ZBTB20: variants seen among roughly 807,000 people sequenced by gnomAD.
ZBTB20 encodes the protein zinc finger and BTB domain containing 20.
A neutral mutation model predicts 56.9 loss-of-function variants in ZBTB20; 9 were observed. That is an observed-to-expected ratio of 0.16 (90% CI 0.10 to 0.28). The LOEUF (loss-of-function observed/expected upper bound fraction) is 0.28. ZBTB20 is among the 10% of genes least tolerant of loss of function. ZBTB20 has a pLI of 1.00. For missense variants in ZBTB20, 655 were observed against 1,003.0 expected (o/e 0.65, Z 4.69); for synonymous variants, 417 against 420.7 (o/e 0.99, Z 0.11).
At chr3:114,973,558 G>A (rs1458945176) in intron 3 of ZBTB20, among the ~76,000 whole-genome samples, 2 of 152,122 alleles carry the variant, frequency 1.3e-5, no homozygotes, top group Non-Finnish European at 2.9e-5. Context: ...ATATCCCACT[G>A]CTAAACGGAA....
chr3:114,555,368 G>T (rs904479027), intron 6 of ZBTB20, among the ~76,000 whole-genome samples: 34 of 152,010 alleles, frequency 2.2e-4, no homozygotes, highest in Non-Finnish European at 2.2e-4. Context: ...TAATAGTGAT[G>T]GACAGAATCT....
chr3:114,990,151 T>C (rs1343535984), intron 2 of ZBTB20, among the ~76,000 whole-genome samples: 3 of 152,016 alleles, frequency 2.0e-5, no homozygotes, highest in African/African-American at 7.3e-5. Context: ...TGAATAGGAG[T>C]GGTGAGAGAG....
Position 114,329,955 on chromosome 3 carries a change from T to A in ZBTB20, c.*9050A>T, listed in dbSNP as rs2079192995. 1 of 152,330 alleles carries A rather than the reference T, an allele frequency of 6.6e-6. No homozygotes were observed. Among genetic ancestry groups the A allele is most frequent in the Non-Finnish European group, 1.5e-5 (1 of 68,036 alleles). 9.4% of individuals were successfully genotyped at this position (152,330 alleles called of 1,614,324 possible). ...ACGCAGCCTGTTATTGTTGGTCAGA[T>A]CATGTGGCACTTAAGTAGCCCCTTG... On this transcript the variant is annotated 3_prime_UTR_variant, in exon 12 of 12. Transcript: ENST00000675478.
chr3:114,405,088 G>GA lies in ZBTB20; in HGVS notation c.-254-15984dup, dbSNP rs946849710. Among the ~76,000 whole-genome samples the GA allele has an allele frequency of 8.0e-4, 119 of 149,326 alleles. 1 individual carries two copies. Among genetic ancestry groups the GA allele is most frequent in the African/African-American group, 2.3e-3 (95 of 40,770 alleles). On this transcript the variant is annotated intron_variant, in intron 7 of 11. Transcript: ENST00000675478. ...AAGGGTTGCAGTGTCCTCATAGGAG[G>GA]AAAAAAAAAATCCTAGCTTTAAGAA...
intron 1 of ZBTB20, among the ~76,000 whole-genome samples, chr3:115,074,124 T>C (rs1423018246): frequency 2.6e-5 from 4 of 152,128 alleles, no homozygotes; most frequent in Admixed American, 2.0e-4. Context: ...CTTTCATCCA[T>C]ATTTATGCTT....
intron 7 of ZBTB20, among the ~76,000 whole-genome samples, chr3:114,434,047 T>C (rs2718410): frequency 0.92 from 140,291 of 152,238 alleles, 65,745 homozygotes; most frequent in East Asian, 1. Flanking sequence ...AATTGAATGA[T>C]AGACCAGGTC....
chr3:114,944,266 T>G (rs1010443883), intron 3 of ZBTB20, among the ~76,000 whole-genome samples: 1 of 145,424 alleles, frequency 6.9e-6, no homozygotes, highest in Non-Finnish European at 1.5e-5. Context: ...AAAAGCAAAT[T>G]AGAACCACAA....
chr3:114,424,143 A>AATTATAATTG (rs1338564905), intron 7 of ZBTB20, among the ~76,000 whole-genome samples: 1 of 152,214 alleles, frequency 6.6e-6, no homozygotes, highest in African/African-American at 2.4e-5. Flanking sequence ...ATTGTCACAT[A>AATTATAATTG]ACAACCTTAA....
At chr3:114,435,481 C>T (rs2090457996) in intron 7 of ZBTB20, among the ~76,000 whole-genome samples, 1 of 152,156 alleles carries the variant, frequency 6.6e-6, no homozygotes, top group South Asian at 2.1e-4. Context: ...AGGGACTAAG[C>T]TGGAATTCAA....
intron 7 of ZBTB20, among the ~76,000 whole-genome samples, chr3:114,414,054 T>C (rs982521416): frequency 8.5e-5 from 13 of 152,136 alleles, no homozygotes; most frequent in Non-Finnish European, 1.9e-4. Context: ...TGCTCATCTA[T>C]GGCTTTACAT....
chr3:114,778,629 A>C (rs2069821645), intron 5 of ZBTB20, among the ~76,000 whole-genome samples: 1 of 152,202 alleles, frequency 6.6e-6, no homozygotes, highest in African/African-American at 2.4e-5. Context: ...AAGATTATGG[A>C]AAGCTTAAAG....
At chr3:114,466,693 C>T (rs144270212) in intron 7 of ZBTB20, among the ~76,000 whole-genome samples, 673 of 152,268 alleles carry the variant, frequency 4.4e-3, no homozygotes, top group Non-Finnish European at 6.4e-3. Flanking sequence ...ATGTGCAATG[C>T]GCAACCATCA....
At chr3:114,418,754 T>G (rs1425807746) in intron 7 of ZBTB20, among the ~76,000 whole-genome samples, 4 of 152,084 alleles carry the variant, frequency 2.6e-5, no homozygotes, top group Non-Finnish European at 4.4e-5. Flanking sequence ...GTGTTTACTT[T>G]CAATATAATT....
intron 2 of ZBTB20, among the ~76,000 whole-genome samples, chr3:115,039,305 G>C (rs1461858923): frequency 6.6e-6 from 1 of 152,054 alleles, no homozygotes; most frequent in East Asian, 1.9e-4. Context: ...GGTATTACAT[G>C]TTGACTATGC....
In ZBTB20 at chr3:115,096,894, GATAA is replaced by G. The variant is rs1384519361; in HGVS notation, c.-702-25484_-702-25481del. 3.9e-5 allele frequency among the ~76,000 whole-genome samples: 6 copies of G among 152,278 alleles called. No homozygotes were observed. In the South Asian group the frequency reaches 6.2e-4, roughly 16 times the overall value. On this transcript the variant is annotated intron_variant, in intron 1 of 11. Transcript: ENST00000675478. ...GACTAATCATTAAAATTCAAAAATA[GATAA>G]ATAAACAGGAATGCCATTTATTTGT...
chr3:114,472,892 G>C (rs1199222646), intron 7 of ZBTB20, among the ~76,000 whole-genome samples: 2 of 152,032 alleles, frequency 1.3e-5, no homozygotes, highest in African/African-American at 4.8e-5. Context: ...AACCAAAGAG[G>C]GTATGTTAAA....
chr3:114,738,044 A>T (rs970365941), intron 5 of ZBTB20, among the ~76,000 whole-genome samples: 4 of 152,090 alleles, frequency 2.6e-5, no homozygotes, highest in Admixed American at 2.6e-4. Context: ...CAAGAGTATG[A>T]TCTTACAGTG....
chr3:115,072,318 A>G (rs2082438748), intron 1 of ZBTB20, among the ~76,000 whole-genome samples: 1 of 152,158 alleles, frequency 6.6e-6, no homozygotes, highest in Admixed American at 6.6e-5. Flanking sequence ...GATACAATGA[A>G]TAATAAATAT....
At chr3:114,677,927 T>C (rs567822285) in intron 6 of ZBTB20, among the ~76,000 whole-genome samples, 2 of 152,314 alleles carry the variant, frequency 1.3e-5, no homozygotes, top group Admixed American at 6.5e-5. Flanking sequence ...TTTTTGCCCA[T>C]AAGAAGGTTA....
Sources: allele counts gnomAD v4.1 joint callset (sites outside exome capture counted in the v4.1 genomes callset), GRCh38; gene constraint gnomAD v4.1.1; transcripts MANE v1.5; gene names NCBI Gene and HGNC (gene_info 2026-07-23, HGNC 2026-07-21).